The following RAB8B variants were observed in gnomAD, a reference collection of about 807,000 sequenced individuals.
RAB8B encodes RAB8B, member RAS oncogene family, also known as ras-related protein Rab-8B.
A neutral mutation model predicts 32.0 loss-of-function variants in RAB8B; 11 were observed. That is an observed-to-expected ratio of 0.34 (90% CI 0.22 to 0.57). RAB8B has a LOEUF of 0.57. Among genes scored for constraint, RAB8B ranks in the 20% least tolerant of loss-of-function variants. RAB8B has a pLI of 0.86. For missense variants in RAB8B, 190 were observed against 258.5 expected (o/e 0.73, Z 1.82); for synonymous variants, 103 against 89.6 (o/e 1.15, Z -0.85).
chr15:63,211,744 A>G (rs557523098), intron 1 of RAB8B, among the ~76,000 whole-genome samples: 46 of 152,328 alleles, frequency 3.0e-4, no homozygotes, highest in African/African-American at 1.0e-3. Context: ...GTGACTGGTC[A>G]TGATAGATAT....
intron 2 of RAB8B, among the ~76,000 whole-genome samples, chr15:63,246,404 C>T (rs1010097685): frequency 4.6e-5 from 7 of 152,150 alleles, no homozygotes; most frequent in African/African-American, 1.7e-4. Flanking sequence ...GACCCCCCTC[C>T]TCTGATTCCT....
At chr15:63,227,372 G>GA (rs2037897637) in intron 1 of RAB8B, among the ~76,000 whole-genome samples, 1 of 152,144 alleles carries the variant, frequency 6.6e-6, no homozygotes, top group Non-Finnish European at 1.5e-5. Flanking sequence ...GGACATCTTT[G>GA]AAATAACACT....
intron 6 of RAB8B, among the ~76,000 whole-genome samples, chr15:63,260,240 TCAGTTTTGCCC>T (rs1373427397): frequency 3.9e-5 from 6 of 152,228 alleles, no homozygotes; most frequent in Non-Finnish European, 8.8e-5. Context: ...TTATGGAAGT[TCAGTTTTGCCC>T]TTTTTTTGGG....
At position 63,259,042 on chromosome 15, in the gene RAB8B, G is replaced by T. The variant is rs112723564; in HGVS notation, c.415-585G>T. On this transcript the variant is annotated intron_variant, in intron 5 of 7. Coordinates refer to ENST00000321437, the MANE Select transcript of RAB8B (RefSeq NM_016530.3). This position sits in a 1 kb window ranked among gnomAD's most constrained non-coding sequence, Gnocchi z 4.4. Reference sequence around the variant, plus strand: ...CCCTATTCTGCTACCTTAGGAGGGTGGGTATTTATCCCATATTAGAGAACT... The same window carrying T: ...CCCTATTCTGCTACCTTAGGAGGGTTGGTATTTATCCCATATTAGAGAACT... Among the ~76,000 whole-genome samples, 184 of 152,058 alleles carry T rather than the reference G, an allele frequency of 1.2e-3. No individual in the cohort carries two copies. Among genetic ancestry groups the T allele is most frequent in the African/African-American group, 4.2e-3 (175 of 41,468 alleles).
chr15:63,241,237 G>A (rs1402810239), intron 1 of RAB8B, among the ~76,000 whole-genome samples: 1 of 152,138 alleles, frequency 6.6e-6, no homozygotes, highest in Admixed American at 6.6e-5. Context: ...AGCTAGTCGC[G>A]AGGCTGAGGC....
At chr15:63,236,986 T>G (rs2037986118) in intron 1 of RAB8B, among the ~76,000 whole-genome samples, 1 of 152,306 alleles carries the variant, frequency 6.6e-6, no homozygotes, top group African/African-American at 2.4e-5. Flanking sequence ...ACAAATAAAT[T>G]AGAACATGCG....
intron 1 of RAB8B, among the ~76,000 whole-genome samples, chr15:63,201,615 C>T (rs557076361): frequency 3.3e-5 from 5 of 152,278 alleles, no homozygotes; most frequent in South Asian, 2.1e-4. Context: ...CCAATTAGGA[C>T]GTTAAGAAAC....
At chr15:63,224,520 T>C (rs2037873046) in intron 1 of RAB8B, among the ~76,000 whole-genome samples, 1 of 152,184 alleles carries the variant, frequency 6.6e-6, no homozygotes, top group East Asian at 1.9e-4. Flanking sequence ...ATCTCTTATT[T>C]TGAACCTTGC....
At chr15:63,221,663 A>G (rs1289352984) in intron 1 of RAB8B, among the ~76,000 whole-genome samples, 1 of 152,156 alleles carries the variant, frequency 6.6e-6, no homozygotes, top group Non-Finnish European at 1.5e-5. Context: ...GGATCCCACC[A>G]CATAGCTAGA....
intron 3 of RAB8B, among the ~76,000 whole-genome samples, chr15:63,250,289 A>T (rs1382724258): frequency 6.6e-6 from 1 of 152,160 alleles, no homozygotes; most frequent in Non-Finnish European, 1.5e-5. Context: ...TCTTCCTTTT[A>T]TTAATACCTT....
intron 2 of RAB8B, among the ~76,000 whole-genome samples, chr15:63,245,986 C>T (rs1271819763): frequency 6.6e-6 from 1 of 152,182 alleles, no homozygotes; most frequent in Non-Finnish European, 1.5e-5. Context: ...GATTCTCCTG[C>T]CTCAGCTTCC....
intron 1 of RAB8B, among the ~76,000 whole-genome samples, chr15:63,215,152 G>C (rs367611965): frequency 3.9e-5 from 6 of 152,328 alleles, no homozygotes; most frequent in East Asian, 1.9e-4. Context: ...AGGGCCCTTT[G>C]TCCCTCATAC....
intron 1 of RAB8B, among the ~76,000 whole-genome samples, chr15:63,197,591 C>G (rs1294818166): frequency 1.3e-5 from 2 of 151,978 alleles, no homozygotes; most frequent in Non-Finnish European, 2.9e-5. Flanking sequence ...CCAGGCTGGT[C>G]TCAAACTCCT....
intron 2 of RAB8B, among the ~76,000 whole-genome samples, chr15:63,245,573 A>G (rs988320378): frequency 7.2e-5 from 11 of 151,940 alleles, no homozygotes; most frequent in Non-Finnish European, 1.6e-4. Flanking sequence ...TGGGTGTCCT[A>G]TAATTTAAGT....
intron 1 of RAB8B, among the ~76,000 whole-genome samples, chr15:63,211,512 T>C (rs758295716): frequency 4.6e-5 from 7 of 152,222 alleles, no homozygotes; most frequent in Non-Finnish European, 8.8e-5. Context: ...CGCAAGACTT[T>C]AGAGAGAGCC....
intron 1 of RAB8B, among the ~76,000 whole-genome samples, chr15:63,223,573 C>G (rs759146592): frequency 5.3e-5 from 8 of 152,280 alleles, no homozygotes; most frequent in Non-Finnish European, 1.0e-4. Flanking sequence ...GGCTATACTA[C>G]GTAGACTAGG....
chr15:63,253,704 A>C (rs1397498187), intron 3 of RAB8B, among the ~76,000 whole-genome samples: 2 of 152,160 alleles, frequency 1.3e-5, no homozygotes, highest in Non-Finnish European at 2.9e-5. Flanking sequence ...CAGGGAAATC[A>C]ATTAAAGATG....
chr15:63,234,391 T>C (rs2037960946), intron 1 of RAB8B, among the ~76,000 whole-genome samples: 1 of 152,200 alleles, frequency 6.6e-6, no homozygotes, highest in Non-Finnish European at 1.5e-5. Flanking sequence ...CTAATTTAAC[T>C]TTAGTGTAAA....
In RAB8B at chr15:63,264,404, G is replaced by A. The variant is rs1016098638; in HGVS notation, c.*785G>A. 3.3e-5 allele frequency: 5 copies of A among 152,228 alleles called. No individual in the cohort carries two copies. Among genetic ancestry groups the A allele is most frequent in the Admixed American group, 3.3e-4 (5 of 15,278 alleles). The allele number at this position is 152,228 out of a possible 1,614,324, so 9.4% of individuals were successfully genotyped here. On this transcript the variant is annotated 3_prime_UTR_variant, in exon 8 of 8. Coordinates refer to ENST00000321437, the MANE Select transcript of RAB8B (RefSeq NM_016530.3). ...GTGTAATCACTCTTAAGTAATATTT[G>A]AACATTATTATCTGTTTCTATTTGT...
Sources: gnomAD v4.1 joint callset for allele counts (sites outside exome capture counted in the v4.1 genomes callset) on GRCh38, gnomAD v4.1.1 for gene constraint, Gnocchi (gnomAD v3.1) non-coding constraint, MANE v1.5 for transcripts, NCBI Gene and HGNC (gene_info 2026-07-23, HGNC 2026-07-21) for gene names.